Variants in KDM7A observed in about 807,000 individuals in gnomAD.
KDM7A encodes the protein lysine demethylase 7A.
A neutral mutation model predicts 114.8 loss-of-function variants in KDM7A; 28 were observed. That is an observed-to-expected ratio of 0.24 (90% CI 0.18 to 0.33). KDM7A has a LOEUF of 0.33. Ranked by LOEUF, KDM7A falls within the 10% of genes least tolerant of loss-of-function variation. The pLI is 1.00. For synonymous variants in KDM7A, 423 were observed against 397.8 expected, an observed-to-expected ratio of 1.06 and a Z score of -0.75; for missense variants, 942 against 1,142.5, an observed-to-expected ratio of 0.82 and a Z score of 2.53.
rs574575845 is a variant in KDM7A, at chr7:140,141,739, C to T, written c.195-2549G>A. On this transcript the variant is annotated intron_variant, in intron 1 of 19. Coordinates refer to ENST00000397560, the MANE Select transcript of KDM7A (RefSeq NM_030647.2). The stretch of plus-strand genomic sequence containing the variant: ...CAAAACCCCACCTCTACTAAAAATA[C>T]AAAAATTAGCCAGGCATGTTGGCGC... Among the ~76,000 whole-genome samples the T allele has an allele frequency of 5.9e-5, 9 of 151,706 alleles. 1 individual carries two copies. The South Asian group carries it at 1.9e-3, about 32-fold the overall frequency.
At chr7:140,112,384 T>A (rs1818447384) in intron 10 of KDM7A, among the ~76,000 whole-genome samples, 1 of 152,026 alleles carries the variant, frequency 6.6e-6, no homozygotes, top group South Asian at 2.1e-4. Context: ...CCAAGACGGG[T>A]GGATCACCTG....
Position 140,098,976 on chromosome 7 carries a change from T to C in KDM7A, c.1821A>G (p.Glu607=). The C allele has an allele frequency of 6.2e-7, 1 of 1,613,322 alleles. No homozygotes were observed. Among genetic ancestry groups the C allele is most frequent in the South Asian group, 1.1e-5 (1 of 91,064 alleles). ...QSLYTADSEN[E]EDKRRTKKAK... ...CCTTTTTTGTCCTTCTTTTATCCTC[T>C]TCATTTTCACTATCTGCTGTATAAA... Residue 607 remains glutamate (E), a synonymous_variant, in exon 14 of 20, where the codon GAA becomes GAG. Transcript: ENST00000397560.
At chr7:140,100,669 T>TATATATAC (rs1562945857) in intron 12 of KDM7A, among the ~76,000 whole-genome samples, 4 of 44,436 alleles carry the variant, frequency 9.0e-5, no homozygotes, top group African/African-American at 2.5e-4. Context: ...GTTATATATA[T>TATATATAC]ATATATATAT....
chr7:140,113,651 C>T, intron 9 of KDM7A, 69 bp from the exon 10 acceptor site: 2 of 765,190 alleles, frequency 2.6e-6, no homozygotes, highest in Non-Finnish European at 2.2e-6. Context: ...GGATTAACTT[C>T]AGATTTTGAG....
rs556827389 is a variant in KDM7A at position 140,104,905 on chromosome 7, A to T, written c.1429-2745T>A. 7.2e-5 allele frequency among the ~76,000 whole-genome samples: 11 copies of T among 152,114 alleles called. No individual in the cohort carries two copies. In the South Asian group the frequency reaches 2.3e-3, roughly 32 times the overall value. On this transcript the variant is annotated intron_variant, in intron 11 of 19. Coordinates refer to ENST00000397560, the MANE Select transcript of KDM7A (RefSeq NM_030647.2). ...GGGCAGTATGGCCATTTTCATATTG[A>T]TTCTTCCTATCCATGAGCATGGAAT...
intron 1 of KDM7A, among the ~76,000 whole-genome samples, chr7:140,143,908 A>C (rs920441057): frequency 6.6e-6 from 1 of 152,262 alleles, no homozygotes; most frequent in Non-Finnish European, 1.5e-5. Flanking sequence ...CAAAAGGTGA[A>C]TATGCTAATT....
At chr7:140,100,227 C>G (rs140765712) in intron 12 of KDM7A, among the ~76,000 whole-genome samples, 1 of 152,142 alleles carries the variant, frequency 6.6e-6, no homozygotes, top group Non-Finnish European at 1.5e-5. Context: ...TCTGGAGGGC[C>G]ATTAACCATG....
At chr7:140,168,027 A>G (rs775044495) in intron 1 of KDM7A, among the ~76,000 whole-genome samples, 1 of 152,246 alleles carries the variant, frequency 6.6e-6, no homozygotes, top group Non-Finnish European at 1.5e-5. Context: ...AAACTCATTT[A>G]TAATTAGACA....
chr7:140,107,864 T>C (rs1818365830), intron 11 of KDM7A, among the ~76,000 whole-genome samples: 2 of 152,200 alleles, frequency 1.3e-5, no homozygotes, highest in South Asian at 4.1e-4. Flanking sequence ...TCCTGAAGAG[T>C]GTTTTCCAAC....
intron 11 of KDM7A, among the ~76,000 whole-genome samples, chr7:140,105,791 A>C (rs999630665): frequency 1.3e-5 from 2 of 152,198 alleles, no homozygotes; most frequent in Admixed American, 6.6e-5. Context: ...TATCAGGATG[A>C]TGCTGGTCTT....
Position 140,091,901 on chromosome 7 carries a change from T to C in KDM7A, c.2634A>G (p.Pro878=), listed in dbSNP as rs998235545. The C allele has an allele frequency of 3.1e-6, 5 of 1,614,022 alleles. No homozygotes were observed. Among genetic ancestry groups the C allele is most frequent in the Non-Finnish European group, 4.2e-6 (5 of 1,180,032 alleles). Residue 878 remains proline (P), a synonymous_variant, in exon 19 of 20, where the codon CCA becomes CCG. Coordinates refer to ENST00000397560, the MANE Select transcript of KDM7A (RefSeq NM_030647.2). The part of the protein sequence containing the change: ...ACQISNGSLS[P]ERPVGETSFS... ...AGGAAGTTTCACCAACTGGCCTTTC[T>C]GGGCTTAGACTGCCATTACTTATCT...
At chr7:140,101,406 A>G (rs188571302) in intron 12 of KDM7A, among the ~76,000 whole-genome samples, 1 of 152,244 alleles carries the variant, frequency 6.6e-6, no homozygotes, top group Non-Finnish European at 1.5e-5. Flanking sequence ...CTGTAATGCC[A>G]TTCCTCCAAT....
chr7:140,171,575 A>G (rs11981033), intron 1 of KDM7A, among the ~76,000 whole-genome samples: 1 of 112,922 alleles, frequency 8.9e-6, no homozygotes, highest in African/African-American at 3.3e-5. Flanking sequence ...ATATTTATAT[A>G]TATATATTTT....
At chr7:140,095,544 T>A (rs1818092590) in intron 17 of KDM7A, 1 of 194,880 alleles carries the variant, frequency 5.1e-6, no homozygotes, top group Non-Finnish European at 1.1e-5. Flanking sequence ...CCTTTACCTG[T>A]AAAATGGGAG....
chr7:140,130,771 C>T lies in KDM7A; in HGVS notation c.399-1118G>A, dbSNP rs146895942. On this transcript the variant is annotated intron_variant, in intron 3 of 19. Coordinates refer to ENST00000397560, the MANE Select transcript of KDM7A (RefSeq NM_030647.2). ...AGATGACTAGCATCCCTGGTCCCCACCCACTGAGACAAGTGTCCAAAATGC... is the reference window on the plus strand; with the variant it reads ...AGATGACTAGCATCCCTGGTCCCCATCCACTGAGACAAGTGTCCAAAATGC... Among the ~76,000 whole-genome samples, 937 of 152,132 alleles carry T rather than the reference C, an allele frequency of 6.2e-3. 11 individuals carry two copies. Among genetic ancestry groups the T allele is most frequent in the African/African-American group, 0.022 (910 of 41,480 alleles).
intron 2 of KDM7A, among the ~76,000 whole-genome samples, chr7:140,138,345 T>C (rs1243686760): frequency 5.3e-5 from 8 of 152,082 alleles, no homozygotes. Flanking sequence ...AATCCAAGCC[T>C]TTTTCTCTCA....
intron 5 of KDM7A, 128 bp downstream of exon 5, chr7:140,127,314 T>C (rs1818721618): frequency 2.5e-6 from 2 of 814,018 alleles, no homozygotes; most frequent in Non-Finnish European, 3.9e-6. Flanking sequence ...CAATGCAAAA[T>C]TTATAACATT....
chr7:140,135,502 A>G (rs1818856400), intron 2 of KDM7A, among the ~76,000 whole-genome samples: 1 of 152,188 alleles, frequency 6.6e-6, no homozygotes, highest in Non-Finnish European at 1.5e-5. Flanking sequence ...CGCCCAGCCC[A>G]TAACTCCATT....
At chr7:140,143,494 TACACA>T (rs1195521941) in intron 1 of KDM7A, among the ~76,000 whole-genome samples, 4 of 152,084 alleles carry the variant, frequency 2.6e-5, no homozygotes, top group Non-Finnish European at 5.9e-5. Context: ...TAAATAAAAA[TACACA>T]ACACAATACA....
Sources: gnomAD v4.1 joint callset for allele counts (sites outside exome capture counted in the v4.1 genomes callset) on GRCh38, gnomAD v4.1.1 for gene constraint, MANE v1.5 for transcripts, NCBI Gene and HGNC (gene_info 2026-07-23, HGNC 2026-07-21) for gene names.